USO1: variants seen among roughly 807,000 people sequenced by gnomAD.
USO1 encodes USO1 vesicle transport factor.
Under a neutral mutation model 124.5 loss-of-function variants are expected in USO1, and 57 were observed. The ratio of observed to expected loss-of-function variants is 0.46; its 90% CI spans 0.37 to 0.57. The LOEUF (loss-of-function observed/expected upper bound fraction) is 0.57. USO1 is among the 20% of genes least tolerant of loss of function. The probability of loss-of-function intolerance (pLI) is 0.00; values close to 1 mark genes in which losing one functional copy is unlikely to be tolerated. For synonymous variants in USO1, 369 were observed against 362.8 expected (o/e 1.02, Z -0.19); for missense variants, 900 against 1,040.6 (o/e 0.86, Z 1.86).
At chr4:75,804,568 G>A (rs1722942117) in intron 18 of USO1, among the ~76,000 whole-genome samples, 1 of 152,136 alleles carries the variant, frequency 6.6e-6, no homozygotes, top group Admixed American at 6.5e-5. Context: ...TACCAATGCT[G>A]ATACCACAAT....
At position 75,770,421 on chromosome 4, in the gene USO1, T is replaced by C. The variant is rs1232744338; in HGVS notation, c.296-18T>C. On this transcript the variant is annotated intron_variant, in intron 4 of 23. Transcript: ENST00000514213. Reference sequence around the variant, plus strand: ...AACCTACTATTAAATTGAAATTCTTTATTTTTGAATATTACAGAAGAAAAT... The same window carrying C: ...AACCTACTATTAAATTGAAATTCTTCATTTTTGAATATTACAGAAGAAAAT... 2 of 1,508,942 alleles carry C rather than the reference T, an allele frequency of 1.3e-6. No homozygotes were observed. Among genetic ancestry groups the C allele is most frequent in the South Asian group, 1.3e-5 (1 of 75,862 alleles). The allele number at this position is 1,508,942 out of a possible 1,614,324, so 93.5% of individuals were successfully genotyped here.
At position 75,809,020 on chromosome 4, in the gene USO1, A is replaced by T; in HGVS notation, c.2444A>T (p.Lys815Met). ...GAGATCACCAAACTACAGACAGAAA[A>T]GCAGGAACTGTTACAGAAAACAGAA... The part of the protein sequence containing the change: ...SVEITKLQTE[K>M]QELLQKTEAF... Residue 815 changes from lysine (K) to methionine (M), a missense_variant, in exon 21 of 24, where the codon AAG becomes ATG. Lys to Met is a moderately conservative substitution (Grantham distance 95, BLOSUM62 -1). This residue lies in a region of USO1 where 362 missense variants were observed against 359.0 expected (regional missense o/e 1.01). Transcript: ENST00000514213. The T allele has an allele frequency of 6.2e-7, 1 of 1,603,504 alleles. No individual in the cohort carries two copies. The highest frequency in any genetic ancestry group is 8.5e-7 in the Non-Finnish European group (1 of 1,175,242).
chr4:75,788,171 A>ATTTTTTTTTT (rs11291010), intron 10 of USO1, among the ~76,000 whole-genome samples: 2 of 123,250 alleles, frequency 1.6e-5, no homozygotes, highest in African/African-American at 6.0e-5. Flanking sequence ...TTATTTATTT[A>ATTTTTTTTTT]TTTTTTTTTT....
chr4:75,813,604 C>T lies in USO1; in HGVS notation c.*309C>T, dbSNP rs530677060. The T allele has an allele frequency of 2.8e-4, 54 of 189,978 alleles. No individual in the cohort carries two copies. The highest frequency in any genetic ancestry group is 1.1e-3 in the African/African-American group (47 of 43,014). The allele number at this position is 189,978 out of a possible 1,614,324, so 11.8% of individuals were successfully genotyped here. On this transcript the variant is annotated 3_prime_UTR_variant, in exon 24 of 24. Coordinates refer to ENST00000514213, the MANE Select transcript of USO1 (RefSeq NM_003715.4). ...ACAATGCTATTTGCCTTAGTTCATTCGTTGTTTACTTTGCAAAATTTGTGA... is the reference window on the plus strand; with the variant it reads ...ACAATGCTATTTGCCTTAGTTCATTTGTTGTTTACTTTGCAAAATTTGTGA...
chr4:75,759,477 C>A (rs1416753554), intron 4 of USO1, among the ~76,000 whole-genome samples: 2 of 150,860 alleles, frequency 1.3e-5, no homozygotes, highest in African/African-American at 2.4e-5. Flanking sequence ...ACCTGTAATC[C>A]CAACTACTCA....
At chr4:75,760,300 C>G (rs1210762589) in intron 4 of USO1, among the ~76,000 whole-genome samples, 1 of 152,190 alleles carries the variant, frequency 6.6e-6, no homozygotes, top group Non-Finnish European at 1.5e-5. Flanking sequence ...TTTATTGCTT[C>G]ATGAAATGTA....
intron 1 of USO1, among the ~76,000 whole-genome samples, chr4:75,749,364 A>G (rs1456704602): frequency 2.6e-5 from 4 of 152,148 alleles, no homozygotes; most frequent in Non-Finnish European, 5.9e-5. Context: ...CTTAATGTAC[A>G]GAATCTTTAA....
chr4:75,810,562 A>G, intron 22 of USO1, 23 bp downstream of exon 22: 2 of 1,585,094 alleles, frequency 1.3e-6, no homozygotes, highest in Non-Finnish European at 1.7e-6. Flanking sequence ...TGCAACTTTT[A>G]TTTACTGCAT....
chr4:75,785,328 A>G (rs2149177338), intron 9 of USO1, among the ~76,000 whole-genome samples: 1 of 152,242 alleles, frequency 6.6e-6, no homozygotes, highest in South Asian at 2.1e-4. Flanking sequence ...ACATCTTTTG[A>G]AAAGTTTTTT....
chr4:75,788,179 T>A (rs542305458), intron 10 of USO1, among the ~76,000 whole-genome samples: 68 of 129,622 alleles, frequency 5.2e-4, no homozygotes, highest in Non-Finnish European at 7.6e-4. Flanking sequence ...TTATTTTTTT[T>A]TTTTTTTGTA....
At chr4:75,804,690 A>C (rs1027436416) in intron 18 of USO1, among the ~76,000 whole-genome samples, 10 of 152,244 alleles carry the variant, frequency 6.6e-5, no homozygotes, top group African/African-American at 2.4e-4. Flanking sequence ...GTAATCTTTC[A>C]GTTTCCTCTT....
chr4:75,763,826 C>T (rs930679547), intron 4 of USO1, among the ~76,000 whole-genome samples: 3 of 152,158 alleles, frequency 2.0e-5, no homozygotes, highest in Non-Finnish European at 2.9e-5. Context: ...TTTGCTTACA[C>T]GTATAATTGG....
intron 6 of USO1, 67 bp downstream of exon 6, chr4:75,770,991 C>T (rs966029762): frequency 1.4e-5 from 23 of 1,597,662 alleles, no homozygotes; most frequent in Middle Eastern, 3.4e-4. Flanking sequence ...GAGAAAGGGA[C>T]TGAAATGGTG....
chr4:75,784,880 T>C (rs1473260157), intron 9 of USO1, among the ~76,000 whole-genome samples: 1 of 152,212 alleles, frequency 6.6e-6, no homozygotes, highest in Non-Finnish European at 1.5e-5. Flanking sequence ...AGTTGATTCT[T>C]TAAGAATTCT....
chr4:75,789,944 T>A (rs555269771), intron 10 of USO1, among the ~76,000 whole-genome samples: 158 of 152,068 alleles, frequency 1.0e-3, no homozygotes, highest in African/African-American at 3.7e-3. Context: ...TTTTTGTGCC[T>A]GAATTTTGGC....
intron 23 of USO1, 122 bp from the exon 24 acceptor site, chr4:75,813,084 G>A (rs1723196017): frequency 9.5e-7 from 1 of 1,047,222 alleles, no homozygotes; most frequent in Non-Finnish European, 1.3e-6. Flanking sequence ...TTGCACTCCA[G>A]CCTGGGTAAC....
At chr4:75,750,191 T>G (rs1263646850) in intron 1 of USO1, among the ~76,000 whole-genome samples, 2 of 152,158 alleles carry the variant, frequency 1.3e-5, no homozygotes, top group African/African-American at 4.8e-5. Context: ...CCCAGCACTT[T>G]GGGAGGCCAA....
At chr4:75,734,762 T>C in intron 1 of USO1, among the ~76,000 whole-genome samples, 1 of 138,872 alleles carries the variant, frequency 7.2e-6, no homozygotes, top group Non-Finnish European at 1.5e-5. Flanking sequence ...AGAGCCTTGC[T>C]CTGTTGCCCA....
chr4:75,799,190 G>GTTT (rs3839118), intron 13 of USO1, among the ~76,000 whole-genome samples: 1 of 151,828 alleles, frequency 6.6e-6, no homozygotes, highest in Non-Finnish European at 1.5e-5. Context: ...TTGTTTTTTG[G>GTTT]TTTTTTTTGA....
Sources: allele counts gnomAD v4.1 joint callset (sites outside exome capture counted in the v4.1 genomes callset), GRCh38; gene constraint gnomAD v4.1.1; regional missense constraint gnomAD v4.1.1; transcripts MANE v1.5; gene names NCBI Gene and HGNC (gene_info 2026-07-23, HGNC 2026-07-21).